JAZF1: variants seen among roughly 807,000 people sequenced by gnomAD.
JAZF1 encodes juxtaposed with another zinc finger protein 1.
In JAZF1, 8 loss-of-function variants were observed where a neutral mutation model predicts 26.4. The observed-to-expected ratio is 0.30, with a 90% CI of 0.18 to 0.55. JAZF1 has a LOEUF of 0.55. Ranked by LOEUF, JAZF1 falls within the 20% of genes least tolerant of loss-of-function variation. The pLI is 0.94. For synonymous variants in JAZF1, 126 were observed against 122.3 expected (o/e 1.03, Z -0.20); for missense variants, 199 against 322.0 (o/e 0.62, Z 2.92).
intron 1 of JAZF1, among the ~76,000 whole-genome samples, chr7:28,081,486 C>A (rs1399765736): frequency 6.6e-6 from 1 of 152,184 alleles, no homozygotes; most frequent in Non-Finnish European, 1.5e-5. Context: ...CGCCATTCCC[C>A]CAGCTATTCT....
rs190557325 is a variant in JAZF1 at position 28,041,097 on chromosome 7, A to T, written c.116-49116T>A. Among the ~76,000 whole-genome samples, 447 of 152,310 alleles carry T rather than the reference A, an allele frequency of 2.9e-3. 1 individual carries two copies. The highest frequency in any genetic ancestry group is 0.01 in the African/African-American group (422 of 41,558). On this transcript the variant is annotated intron_variant, in intron 1 of 4. Transcript: ENST00000283928. ...CTAGATATATGTGGCAAAATTTTTT[A>T]AAAATTAAAATGTGTGTAATCAGAG... is the stretch of plus-strand genomic sequence containing the variant.
At chr7:28,084,555 C>T (rs2127917992) in intron 1 of JAZF1, among the ~76,000 whole-genome samples, 1 of 152,284 alleles carries the variant, frequency 6.6e-6, no homozygotes, top group African/African-American at 2.4e-5. Flanking sequence ...TGTAGAAGTA[C>T]TGGCTATTAA....
intron 2 of JAZF1, among the ~76,000 whole-genome samples, chr7:27,948,239 T>C (rs2128354124): frequency 6.6e-6 from 1 of 152,254 alleles, no homozygotes; most frequent in South Asian, 2.1e-4. Context: ...GGTGTTTACA[T>C]CTGTGCTCAG....
intron 2 of JAZF1, among the ~76,000 whole-genome samples, chr7:27,929,284 T>C (rs1484492675): frequency 6.6e-6 from 1 of 152,174 alleles, no homozygotes; most frequent in South Asian, 2.1e-4. Context: ...GCCTGTGGCA[T>C]GCCCACAGCA....
intron 4 of JAZF1, among the ~76,000 whole-genome samples, chr7:27,838,704 C>T (rs1002858013): frequency 8.5e-5 from 13 of 152,232 alleles, no homozygotes; most frequent in Non-Finnish European, 1.0e-4. Context: ...CCAGCAACTT[C>T]GGGGCAGAAA....
intron 2 of JAZF1, among the ~76,000 whole-genome samples, chr7:27,951,578 T>G (rs1405549456): frequency 2.0e-5 from 3 of 152,230 alleles, no homozygotes; most frequent in Non-Finnish European, 2.9e-5. Flanking sequence ...GTAAAATGAA[T>G]TAGTTCATTC....
intron 1 of JAZF1, among the ~76,000 whole-genome samples, chr7:28,138,890 C>T (rs984238391): frequency 2.6e-5 from 4 of 152,194 alleles, no homozygotes; most frequent in African/African-American, 7.2e-5. Flanking sequence ...CCTCCCAGAG[C>T]GGCTGGAGGC....
chr7:28,162,695 T>C (rs1322743724), intron 1 of JAZF1, among the ~76,000 whole-genome samples: 3 of 152,236 alleles, frequency 2.0e-5, no homozygotes, highest in Non-Finnish European at 4.4e-5. Flanking sequence ...TTAGTCTCCA[T>C]GCTTTTTGCA....
intron 3 of JAZF1, chr7:27,841,934 C>T (rs1583424961): frequency 6.6e-6 from 1 of 152,096 alleles, no homozygotes; most frequent in East Asian, 1.9e-4. Flanking sequence ...TATATGGTAG[C>T]AATTACAGTT....
chr7:28,067,478 G>A (rs544994995), intron 1 of JAZF1, among the ~76,000 whole-genome samples: 1 of 152,324 alleles, frequency 6.6e-6, no homozygotes, highest in African/African-American at 2.4e-5. Flanking sequence ...CCAAAGCCCT[G>A]TGAGAATCAA....
intron 2 of JAZF1, chr7:27,914,617 C>T (rs1271556907): frequency 1.0e-5 from 4 of 393,916 alleles, no homozygotes. Context: ...AATGGAAACT[C>T]CTGCTCACCA....
chr7:27,897,062 G>C (rs549394859), intron 2 of JAZF1, among the ~76,000 whole-genome samples: 1 of 151,062 alleles, frequency 6.6e-6, no homozygotes, highest in African/African-American at 2.4e-5. Flanking sequence ...GACTCACAGA[G>C]AAAAGCAAAG....
At chr7:27,924,579 T>TG (rs1784582096) in intron 2 of JAZF1, among the ~76,000 whole-genome samples, 1 of 152,236 alleles carries the variant, frequency 6.6e-6, no homozygotes, top group Non-Finnish European at 1.5e-5. Flanking sequence ...TATATTTTCA[T>TG]TTTTCTAAAG....
At chr7:28,068,451 T>C (rs933899892) in intron 1 of JAZF1, among the ~76,000 whole-genome samples, 2 of 152,142 alleles carry the variant, frequency 1.3e-5, no homozygotes, top group Non-Finnish European at 2.9e-5. Context: ...TTCACCTAAT[T>C]AACAGAATCT....
At chr7:27,838,250 A>G (rs1282513510) in intron 4 of JAZF1, among the ~76,000 whole-genome samples, 1 of 152,120 alleles carries the variant, frequency 6.6e-6, no homozygotes, top group Non-Finnish European at 1.5e-5. Context: ...TTGCAACTAG[A>G]ACTTATGATG....
At chr7:28,077,411 C>T (rs1784068953) in intron 1 of JAZF1, among the ~76,000 whole-genome samples, 1 of 152,074 alleles carries the variant, frequency 6.6e-6, no homozygotes, top group Non-Finnish European at 1.5e-5. Flanking sequence ...TTAGGCAGCA[C>T]CTATTTTTCA....
In JAZF1 at chr7:27,832,763, C is replaced by A. The variant is rs752223733; in HGVS notation, c.*37G>T. On this transcript the variant is annotated 3_prime_UTR_variant, in exon 5 of 5. Transcript: ENST00000283928. Reference sequence around the variant, plus strand: ...TGGCTGTTTTCAAAATCAGCAACTGCTGGTGAGGATTTCTTGGCACAGTTA... The same window carrying A: ...TGGCTGTTTTCAAAATCAGCAACTGATGGTGAGGATTTCTTGGCACAGTTA... 3 of 1,426,380 alleles carry A rather than the reference C, an allele frequency of 2.1e-6. No individual in the cohort carries two copies. The highest frequency in any genetic ancestry group is 2.8e-6 in the Non-Finnish European group (3 of 1,077,840). The allele number at this position is 1,426,380 out of a possible 1,614,324, so 88.4% of individuals were successfully genotyped here. A position where few individuals can be genotyped will look rare whatever the true frequency, so the allele number is the denominator to read the frequency against.
chr7:27,982,311 CA>C (rs1441437232), intron 2 of JAZF1, among the ~76,000 whole-genome samples: 1 of 152,248 alleles, frequency 6.6e-6, no homozygotes, highest in African/African-American at 2.4e-5. Context: ...ATATCCCGCG[CA>C]TGGCTCAGAG....
intron 2 of JAZF1, among the ~76,000 whole-genome samples, chr7:27,939,528 A>C (rs772773173): frequency 1.3e-5 from 2 of 152,164 alleles, no homozygotes; most frequent in African/African-American, 2.4e-5. Context: ...CCCTGGGGTG[A>C]GATGGCCCCT....
Sources: gnomAD v4.1 joint callset for allele counts (sites outside exome capture counted in the v4.1 genomes callset) on GRCh38, gnomAD v4.1.1 for gene constraint, MANE v1.5 for transcripts, NCBI Gene and HGNC (gene_info 2026-07-23, HGNC 2026-07-21) for gene names.